Variants in KIF25 observed in about 807,000 individuals in gnomAD.
KIF25 encodes the protein kinesin family member 25.
A neutral mutation model predicts 32.9 loss-of-function variants in KIF25; 19 were observed. The ratio of observed to expected loss-of-function variants is 0.58; its 90% confidence interval spans 0.40 to 0.85. KIF25 has a LOEUF of 0.85. Among genes scored for constraint, KIF25 ranks in the 40% least tolerant of loss-of-function variants. KIF25 has a pLI of 0.00. For missense variants in KIF25, 485 were observed against 507.0 expected, an observed-to-expected ratio of 0.96 and a Z score of 0.42; for synonymous variants, 225 against 213.7, an observed-to-expected ratio of 1.05 and a Z score of -0.46.
intron 8 of KIF25, chr6:168,035,965 C>T (rs527837845): frequency 3.1e-6 from 1 of 322,888 alleles, no homozygotes; most frequent in East Asian, 7.8e-5. Context: ...CTTGGGTGTT[C>T]GTGACTCAAG....
chr6:167,999,880 C>T (rs1379046014), intron 2 of KIF25, among the ~76,000 whole-genome samples: 5 of 152,036 alleles, frequency 3.3e-5, no homozygotes, highest in Non-Finnish European at 7.4e-5. Context: ...TGAAACAAAC[C>T]CCCTGGAAAT....
intron 8 of KIF25, 122 bp from the exon 9 acceptor site, chr6:168,038,431 C>T: frequency 1.1e-6 from 1 of 925,440 alleles, no homozygotes; most frequent in East Asian, 2.5e-5. Context: ...ACATGCAGCC[C>T]TCTGCTCGGA....
chr6:168,019,861 G>A (rs1007472008), intron 5 of KIF25, among the ~76,000 whole-genome samples: 5 of 152,094 alleles, frequency 3.3e-5, no homozygotes, highest in African/African-American at 9.7e-5. Context: ...GAGGTGGGGC[G>A]CGGTGGCTCA....
Position 168,038,568 on chromosome 6 carries a change from T to C in KIF25, c.333T>C (p.Asn111=). ...TTTCCCGCAGGCTCATTTTGGAAAA[T>C]ACCTCAAGAAGCCCAAAGGTTGAAG... ...AEELFRLILE[N]TSRSPKVEVS... The change falls in exon 9 of 13, where the codon AAT becomes AAC. Residue 111 remains asparagine (N), a synonymous_variant. Coordinates refer to ENST00000643607, the MANE Select transcript of KIF25 (RefSeq NM_030615.4). The C allele has an allele frequency of 6.2e-7, 1 of 1,614,004 alleles. No individual in the cohort carries two copies.
chr6:168,013,740 C>A (rs55996044), intron 4 of KIF25, among the ~76,000 whole-genome samples: 52,128 of 148,868 alleles, frequency 0.35, 9,183 homozygotes, highest in South Asian at 0.43. Flanking sequence ...GTCCCTTCTG[C>A]CTGGGCAGAT....
intron 2 of KIF25, among the ~76,000 whole-genome samples, chr6:168,001,756 C>T (rs1798508041): frequency 2.4e-5 from 2 of 82,556 alleles, no homozygotes; most frequent in South Asian, 4.3e-4. Flanking sequence ...GGCGTAGCCT[C>T]GGGCAGGTGA....
intron 4 of KIF25, among the ~76,000 whole-genome samples, chr6:168,004,308 C>G (rs1164410697): frequency 1.3e-5 from 2 of 152,196 alleles, no homozygotes; most frequent in Non-Finnish European, 1.5e-5. Flanking sequence ...GAGCCCACGG[C>G]AGGCACTCCC....
intron 10 of KIF25, among the ~76,000 whole-genome samples, chr6:168,041,763 A>G (rs559464602): frequency 1.3e-5 from 2 of 152,356 alleles, no homozygotes; most frequent in East Asian, 3.9e-4. Flanking sequence ...AACCTTCCAC[A>G]GTGAAGAAAG....
chr6:168,041,842 CT>C, intron 10 of KIF25, 126 bp from the exon 11 acceptor site: 2 of 869,128 alleles, frequency 2.3e-6, no homozygotes, highest in Non-Finnish European at 3.5e-6. Flanking sequence ...AATCCCACTT[CT>C]TACTGGGTGG....
intron 4 of KIF25, among the ~76,000 whole-genome samples, chr6:168,012,045 A>G (rs1317406049): frequency 6.6e-6 from 1 of 151,836 alleles, no homozygotes; most frequent in Non-Finnish European, 1.5e-5. Flanking sequence ...ATTCTTTTTT[A>G]TAATTCTGTC....
intron 4 of KIF25, among the ~76,000 whole-genome samples, chr6:168,005,128 A>G (rs1026876244): frequency 3.3e-5 from 5 of 151,958 alleles, no homozygotes; most frequent in South Asian, 2.1e-4. Flanking sequence ...GCACGAGCCG[A>G]CTGTCACAGG....
Position 168,017,959 on chromosome 6 carries a change from C to T in KIF25, c.-162-14C>T, listed in dbSNP as rs1798738062. 6.6e-6 allele frequency: 1 copy of T among 152,570 alleles called. No homozygotes were observed. The highest frequency in any genetic ancestry group is 2.1e-4 in the South Asian group (1 of 4,828). The allele number at this position is 152,570 out of a possible 1,614,324, so 9.5% of individuals were successfully genotyped here. ...CACAAAGTCTTATGACGTCGTTTTA[C>T]TCTTTTCTCTCAGGAAACAATTCTG... is the stretch of plus-strand genomic sequence containing the variant. On this transcript the variant is annotated splice_polypyrimidine_tract_variant and intron_variant, in intron 4 of 12. Coordinates refer to ENST00000643607, the MANE Select transcript of KIF25 (RefSeq NM_030615.4).
At chr6:168,020,737 CA>C (rs1192916570) in intron 5 of KIF25, among the ~76,000 whole-genome samples, 3 of 149,568 alleles carry the variant, frequency 2.0e-5, no homozygotes, top group East Asian at 2.0e-4. Flanking sequence ...AATAAGCTAA[CA>C]AAAAAAGATA....
chr6:168,014,591 G>A (rs931380006), intron 4 of KIF25, among the ~76,000 whole-genome samples: 4 of 152,142 alleles, frequency 2.6e-5, no homozygotes, highest in Non-Finnish European at 4.4e-5. Flanking sequence ...TGGCTCCCAC[G>A]TTATGTTTTT....
intron 4 of KIF25, among the ~76,000 whole-genome samples, chr6:168,006,208 C>CT (rs112107930): frequency 1.4e-3 from 207 of 142,888 alleles, no homozygotes; most frequent in Middle Eastern, 3.7e-3. Flanking sequence ...TATTCTATTT[C>CT]TTTTTTTTTT....
In KIF25 at chr6:168,042,577, C is replaced by A; in HGVS notation, c.846C>A (p.Thr282=). 1.9e-6 allele frequency: 3 copies of A among 1,613,686 alleles called. No homozygotes were observed. The highest frequency in any genetic ancestry group is 2.5e-6 in the Non-Finnish European group (3 of 1,179,858). The change falls in exon 12 of 13, where the codon ACC becomes ACA. Residue 282 remains threonine (T), a synonymous_variant. Coordinates refer to ENST00000643607, the MANE Select transcript of KIF25 (RefSeq NM_030615.4). ...CCTGTCCAGGTGTGTCTGGAGTGAC[C>A]GGGTTGGCCCTGAGGGAGATGGCGT... ...GSECVGVSGV[T]GLALREMACI...
chr6:168,002,000 G>T, intron 2 of KIF25, among the ~76,000 whole-genome samples: 1 of 133,536 alleles, frequency 7.5e-6, no homozygotes, highest in African/African-American at 2.7e-5. Flanking sequence ...TCAGGCAGGT[G>T]AGAAAGACAC....
Position 168,042,634 on chromosome 6 carries a change from C to A in KIF25, c.903C>A (p.Gly301=). The change falls in exon 12 of 13, where the codon GGC becomes GGA. Residue 301 remains glycine, a synonymous_variant. Transcript: ENST00000643607. ...GCCGCAGCCTTGCGGCCCTGGCAGG[C>A]GTCCTGGGGGCTTTGTTGGAGCACC... is the stretch of plus-strand genomic sequence containing the variant. ...CISRSLAALA[G]VLGALLEHRG... 1.2e-6 allele frequency: 2 copies of A among 1,613,890 alleles called. No individual in the cohort carries two copies. Among genetic ancestry groups the A allele is most frequent in the East Asian group, 2.2e-5 (1 of 44,878 alleles).
intron 9 of KIF25, 127 bp from the exon 10 acceptor site, chr6:168,039,938 G>A: frequency 8.5e-7 from 1 of 1,174,490 alleles, no homozygotes; most frequent in Non-Finnish European, 1.2e-6. Context: ...GCCTGAGACT[G>A]GCTTCAGTAC....
Sources: gnomAD v4.1 joint callset for allele counts (sites outside exome capture counted in the v4.1 genomes callset) on GRCh38, gnomAD v4.1.1 for gene constraint, MANE v1.5 for transcripts, NCBI Gene and HGNC (gene_info 2026-07-23, HGNC 2026-07-21) for gene names.